RAD51B: variants seen among roughly 807,000 people sequenced by gnomAD.
The protein encoded by RAD51B is RAD51 paralog B.
In RAD51B, 38 loss-of-function variants were observed where a neutral mutation model predicts 42.2. The ratio of observed to expected loss-of-function variants is 0.90; its 90% CI spans 0.70 to 1.18. The LOEUF (loss-of-function observed/expected upper bound fraction) is 1.18. Ranked by LOEUF, RAD51B falls within the 50% of genes most tolerant of loss-of-function variation. RAD51B has a pLI of 0.00. For synonymous variants in RAD51B, 154 were observed against 145.2 expected (o/e 1.06, Z -0.43); for missense variants, 373 against 400.7 (o/e 0.93, Z 0.59).
chr14:67,972,175 C>T (rs1020451080), intron 7 of RAD51B, among the ~76,000 whole-genome samples: 2 of 151,694 alleles, frequency 1.3e-5, no homozygotes, highest in Non-Finnish European at 2.9e-5. Context: ...TTATGGTATA[C>T]CTCAGGTGGT....
Position 68,092,952 on chromosome 14 carries a change from G to T in RAD51B, c.757-198932G>T, listed in dbSNP as rs1345570718. Among the ~76,000 whole-genome samples the T allele has an allele frequency of 8.0e-5, 12 of 150,240 alleles. 1 individual carries two copies. The South Asian group carries it at 2.4e-3, about 30-fold the overall frequency. On this transcript the variant is annotated intron_variant, in intron 7 of 10. Coordinates refer to ENST00000471583, the MANE Select transcript of RAD51B (RefSeq NM_133510.4). ...CAAAGGCTTTTTCTGCATCTATTGA[G>T]ATAATCATGTGGTTTTTGTCTTTGG... is the stretch of plus-strand genomic sequence containing the variant.
intron 10 of RAD51B, among the ~76,000 whole-genome samples, chr14:68,640,490 A>G (rs1892437641): frequency 6.6e-6 from 1 of 152,200 alleles, no homozygotes; most frequent in African/African-American, 2.4e-5. Context: ...TTGTATATCT[A>G]CTGAGGGCCA....
chr14:68,650,648 T>C (rs1369024013), intron 10 of RAD51B: 7 of 611,090 alleles, frequency 1.1e-5, no homozygotes, highest in African/African-American at 3.7e-5. Context: ...GTGTTTAAAG[T>C]AGCATCTAAT....
chr14:68,241,277 T>C (rs541979357), intron 7 of RAD51B, among the ~76,000 whole-genome samples: 6 of 152,346 alleles, frequency 3.9e-5, no homozygotes, highest in African/African-American at 1.4e-4. Flanking sequence ...GCGTGGTGGC[T>C]CACGCCTGTA....
At chr14:68,627,923 T>TAAAA (rs10671716) in intron 10 of RAD51B, among the ~76,000 whole-genome samples, 61,286 of 151,750 alleles carry the variant, frequency 0.4, 12,750 homozygotes, top group East Asian at 0.68. Context: ...TTATTTTTTT[T>TAAAA]TAAATAAACA....
At chr14:68,351,699 G>A (rs188815239) in intron 8 of RAD51B, among the ~76,000 whole-genome samples, 1 of 152,336 alleles carries the variant, frequency 6.6e-6, no homozygotes, top group East Asian at 1.9e-4. Flanking sequence ...TGGACACTGA[G>A]ACTGCAAGAG....
At chr14:68,150,614 G>A (rs1280914363) in intron 7 of RAD51B, among the ~76,000 whole-genome samples, 1 of 151,998 alleles carries the variant, frequency 6.6e-6, no homozygotes, top group Non-Finnish European at 1.5e-5. Flanking sequence ...AATTCCAATT[G>A]CTCATTGCTA....
At chr14:67,894,779 CT>C (rs1402067666) in intron 7 of RAD51B, among the ~76,000 whole-genome samples, 2 of 152,000 alleles carry the variant, frequency 1.3e-5, no homozygotes, top group Non-Finnish European at 2.9e-5. Context: ...ATGTCCCATT[CT>C]TTTTTTCTTT....
At chr14:68,203,544 T>C (rs992255008) in intron 7 of RAD51B, among the ~76,000 whole-genome samples, 1 of 152,212 alleles carries the variant, frequency 6.6e-6, no homozygotes, top group African/African-American at 2.4e-5. Context: ...GATCATTGGC[T>C]TCAAGTTAGA....
chr14:68,135,754 T>A (rs1332252184), intron 7 of RAD51B, among the ~76,000 whole-genome samples: 2 of 152,134 alleles, frequency 1.3e-5, no homozygotes, highest in African/African-American at 4.8e-5. Flanking sequence ...AAGCAAGTAA[T>A]ACTTACAAGC....
At chr14:68,648,076 C>T (rs543302378) in intron 10 of RAD51B, among the ~76,000 whole-genome samples, 4 of 79,332 alleles carry the variant, frequency 5.0e-5, no homozygotes, top group South Asian at 8.5e-4. Flanking sequence ...TATATATACA[C>T]GTATATATAC....
At chr14:68,641,252 C>A (rs749440554) in intron 10 of RAD51B, among the ~76,000 whole-genome samples, 1 of 152,096 alleles carries the variant, frequency 6.6e-6, no homozygotes, top group Non-Finnish European at 1.5e-5. Flanking sequence ...TTTCAAATTC[C>A]AATTGTTCAC....
chr14:68,002,674 G>A (rs1055889988), intron 7 of RAD51B, among the ~76,000 whole-genome samples: 4 of 152,142 alleles, frequency 2.6e-5, no homozygotes, highest in Non-Finnish European at 5.9e-5. Context: ...TTACATTTAA[G>A]TCTTTAATTA....
At chr14:68,681,583 T>A (rs914124952) in intron 11 of RAD51B, among the ~76,000 whole-genome samples, 2 of 152,134 alleles carry the variant, frequency 1.3e-5, no homozygotes, top group African/African-American at 2.4e-5. Flanking sequence ...ACAAGAGAGT[T>A]TCCTGGGTAG....
At chr14:68,553,496 G>T in intron 10 of RAD51B, among the ~76,000 whole-genome samples, 1 of 152,120 alleles carries the variant, frequency 6.6e-6, no homozygotes, top group Admixed American at 6.5e-5. Context: ...GCCATCTACT[G>T]CGAGCAAAGA....
chr14:68,262,332 G>A (rs982162941), intron 7 of RAD51B, among the ~76,000 whole-genome samples: 5 of 151,658 alleles, frequency 3.3e-5, no homozygotes, highest in African/African-American at 1.2e-4. Flanking sequence ...ATGAGAGAGG[G>A]AAGGTCACCC....
intron 7 of RAD51B, among the ~76,000 whole-genome samples, chr14:68,209,349 G>T (rs959517864): frequency 6.6e-6 from 1 of 152,164 alleles, no homozygotes. Flanking sequence ...TTGAGGCAGT[G>T]ACAGAGGGCA....
chr14:68,364,637 A>G (rs1348936532), intron 8 of RAD51B, among the ~76,000 whole-genome samples: 1 of 151,362 alleles, frequency 6.6e-6, no homozygotes, highest in Middle Eastern at 3.4e-3. Flanking sequence ...AACAAGGGGG[A>G]CAATGATCTC....
chr14:68,104,707 C>T (rs556588670), intron 7 of RAD51B, among the ~76,000 whole-genome samples: 1 of 152,236 alleles, frequency 6.6e-6, no homozygotes, highest in East Asian at 1.9e-4. Context: ...AATATTGGCC[C>T]ACATGATTCT....
Sources: gnomAD v4.1 joint callset for allele counts (sites outside exome capture counted in the v4.1 genomes callset) on GRCh38, gnomAD v4.1.1 for gene constraint, MANE v1.5 for transcripts, NCBI Gene and HGNC (gene_info 2026-07-23, HGNC 2026-07-21) for gene names.